Variants in FBXO25 observed in about 807,000 individuals in gnomAD.
FBXO25 encodes the protein F-box protein 25.
In FBXO25, 45 loss-of-function variants were observed where a neutral mutation model predicts 51.9. The observed-to-expected ratio is 0.87, with a 90% CI of 0.68 to 1.11. The LOEUF (loss-of-function observed/expected upper bound fraction) is 1.11, where lower values mean the gene tolerates loss of function less well. Ranked by LOEUF, FBXO25 falls within the 50% of genes most tolerant of loss-of-function variation. The pLI is 0.00. For synonymous variants in FBXO25, 199 were observed against 151.0 expected (o/e 1.32, Z -2.33); for missense variants, 507 against 428.5 (o/e 1.18, Z -1.62).
intron 5 of FBXO25, among the ~76,000 whole-genome samples, chr8:441,866 C>G (rs1420969896): frequency 6.6e-6 from 1 of 152,158 alleles, no homozygotes; most frequent in Non-Finnish European, 1.5e-5. Context: ...ACAACAGATG[C>G]TGGAGAGGAC....
chr8:451,291 T>A lies in FBXO25; in HGVS notation c.498T>A (p.Pro166=), dbSNP rs1343919380. ...CAGTTCTTGATGACCACCACAATCCTCGCTTAATCAAAGATCTTCTGCAAG... is the reference window on the plus strand; with the variant it reads ...CAGTTCTTGATGACCACCACAATCCACGCTTAATCAAAGATCTTCTGCAAG... The part of the protein sequence containing the change: ...VQKVLDDHHN[P]RLIKDLLQDL... The change falls in exon 7 of 10, where the codon CCT becomes CCA. Residue 166 remains proline (P), a synonymous_variant. Transcript: ENST00000350302. The A allele has an allele frequency of 1.2e-6, 2 of 1,609,640 alleles. No individual in the cohort carries two copies. The highest frequency in any genetic ancestry group is 1.7e-5 in the Admixed American group (1 of 58,504).
At chr8:415,684 G>C (rs560892698) in intron 2 of FBXO25, among the ~76,000 whole-genome samples, 1 of 152,306 alleles carries the variant, frequency 6.6e-6, no homozygotes, top group East Asian at 1.9e-4. Flanking sequence ...GGGTGGCCCT[G>C]AGAAGGACTC....
chr8:422,787 A>T (rs1454867508), intron 2 of FBXO25, among the ~76,000 whole-genome samples: 1 of 152,140 alleles, frequency 6.6e-6, no homozygotes. Flanking sequence ...ATGGTGGCTT[A>T]CCTCTTAGTT....
chr8:421,829 G>A (rs1797174886), intron 2 of FBXO25, among the ~76,000 whole-genome samples: 1 of 152,150 alleles, frequency 6.6e-6, no homozygotes, highest in South Asian at 2.1e-4. Context: ...GATATCAGAA[G>A]GGTAGATGTC....
At chr8:409,890 C>T (rs1796386626) in intron 1 of FBXO25, among the ~76,000 whole-genome samples, 1 of 152,188 alleles carries the variant, frequency 6.6e-6, no homozygotes, top group African/African-American at 2.4e-5. Context: ...TGATATTCTT[C>T]TATGACCTGG....
At chr8:468,660 C>T in intron 9 of FBXO25, 55 bp from the exon 10 acceptor site, 1 of 1,397,804 alleles carries the variant, frequency 7.2e-7, no homozygotes, top group Admixed American at 1.7e-5. Context: ...AGCACCATCA[C>T]TAGAGTGTGG....
chr8:433,624 G>T (rs997977664), intron 4 of FBXO25, among the ~76,000 whole-genome samples: 1 of 152,272 alleles, frequency 6.6e-6, no homozygotes, highest in African/African-American at 2.4e-5. Flanking sequence ...GCTGTTTCCT[G>T]TTTCTTTACT....
chr8:437,548 C>A (rs559684602), intron 5 of FBXO25, among the ~76,000 whole-genome samples: 31 of 152,208 alleles, frequency 2.0e-4, no homozygotes, highest in Non-Finnish European at 4.3e-4. Context: ...AGCAAAGTTA[C>A]CTCTAAAAAG....
chr8:425,838 T>C (rs543059904), intron 2 of FBXO25, among the ~76,000 whole-genome samples: 1 of 152,172 alleles, frequency 6.6e-6, no homozygotes, highest in East Asian at 1.9e-4. Context: ...GGAACCACCT[T>C]GTTCTATTTT....
Position 423,908 on chromosome 8 carries a change from C to T in FBXO25, c.135-7433C>T, listed in dbSNP as rs188851774. On this transcript the variant is annotated intron_variant, in intron 2 of 9. Coordinates refer to ENST00000350302, the MANE Select transcript of FBXO25 (RefSeq NM_183420.2). ...TGGCTGGACTGATTTACATTCCCGTCAACAGTGTATAAGCATTCTGTTTTC... is the reference window on the plus strand; with the variant it reads ...TGGCTGGACTGATTTACATTCCCGTTAACAGTGTATAAGCATTCTGTTTTC... Among the ~76,000 whole-genome samples, 7 of 152,292 alleles carry T rather than the reference C, an allele frequency of 4.6e-5. No individual in the cohort carries two copies. In the East Asian group the frequency reaches 1.3e-3, roughly 29 times the overall value.
chr8:418,333 CTTTTTTTTTTTTT>C (rs1207244013), intron 2 of FBXO25, among the ~76,000 whole-genome samples: 3 of 72,336 alleles, frequency 4.1e-5, no homozygotes, highest in Non-Finnish European at 7.5e-5. Flanking sequence ...TTTGTTTGTT[CTTTTTTTTTTTTT>C]TTTTTTTTTT....
At chr8:464,425 G>A (rs923579211) in intron 9 of FBXO25, among the ~76,000 whole-genome samples, 1 of 152,210 alleles carries the variant, frequency 6.6e-6, no homozygotes, top group Non-Finnish European at 1.5e-5. Flanking sequence ...GCTGCTGGCT[G>A]CTCTGCGGAG....
At position 477,694 on chromosome 8, in the gene FBXO25, G is replaced by T. The variant is rs1050708736; in HGVS notation, c.*8890G>T. The T allele has an allele frequency of 6.7e-6, 1 of 150,052 alleles. No individual in the cohort carries two copies. The highest frequency in any genetic ancestry group is 1.5e-5 in the Non-Finnish European group (1 of 68,062). The allele number at this position is 150,052 out of a possible 1,614,324, so 9.3% of individuals were successfully genotyped here. On this transcript the variant is annotated 3_prime_UTR_variant, in exon 10 of 10. Coordinates refer to ENST00000350302, the MANE Select transcript of FBXO25 (RefSeq NM_183420.2). Reference sequence around the variant, plus strand: ...GCTCTCTTGCCACTTGGCAGTAGTGGCATGAAGCCGCCACCAGGGGGCCAC... The same window carrying T: ...GCTCTCTTGCCACTTGGCAGTAGTGTCATGAAGCCGCCACCAGGGGGCCAC...
At chr8:453,652 G>A (rs1400987008) in intron 7 of FBXO25, among the ~76,000 whole-genome samples, 1 of 152,084 alleles carries the variant, frequency 6.6e-6, no homozygotes, top group Non-Finnish European at 1.5e-5. Context: ...GAATTTTGAG[G>A]TGACTCAAGC....
intron 2 of FBXO25, among the ~76,000 whole-genome samples, chr8:417,419 G>A (rs985487943): frequency 2.6e-5 from 4 of 152,232 alleles, no homozygotes; most frequent in African/African-American, 9.6e-5. Flanking sequence ...CGGTGGATGA[G>A]GAAGGGCTCA....
Position 413,117 on chromosome 8 carries a change from G to C in FBXO25, c.38G>C (p.Trp13Ser), listed in dbSNP as rs1263996752. ...FLGQDWRSPG[W>S]SWIKTEDGWK... ...GGTCAGGACTGGAGATCTCCTGGAT[G>C]GAGTTGGATTAAGACAGAAGATGGC... The change falls in exon 2 of 10, where the codon TGG (tryptophan) becomes TCG (serine). Residue 13 changes from tryptophan (W) to serine (S), a missense_variant. Coordinates refer to ENST00000350302, the MANE Select transcript of FBXO25 (RefSeq NM_183420.2). The C allele has an allele frequency of 6.2e-7, 1 of 1,605,202 alleles. No homozygotes were observed. Among genetic ancestry groups the C allele is most frequent in the Admixed American group, 1.7e-5 (1 of 58,694 alleles).
intron 4 of FBXO25, among the ~76,000 whole-genome samples, chr8:433,374 T>C (rs1797927846): frequency 6.6e-6 from 1 of 152,182 alleles, no homozygotes; most frequent in South Asian, 2.1e-4. Flanking sequence ...CCTGCAGTCA[T>C]ACGCATTTTC....
At chr8:467,670 T>A (rs1309679733) in intron 9 of FBXO25, 1 of 1,599,098 alleles carries the variant, frequency 6.3e-7, no homozygotes, top group African/African-American at 1.3e-5. Context: ...TTCCTTTTTT[T>A]CCCTCCCTTC....
At chr8:447,540 A>G (rs1343206009) in intron 5 of FBXO25, among the ~76,000 whole-genome samples, 1 of 152,236 alleles carries the variant, frequency 6.6e-6, no homozygotes. Context: ...GCGACAAAAC[A>G]GAAAAGAGAT....
Sources: allele counts gnomAD v4.1 joint callset (sites outside exome capture counted in the v4.1 genomes callset), GRCh38; gene constraint gnomAD v4.1.1; transcripts MANE v1.5; gene names NCBI Gene and HGNC (gene_info 2026-07-23, HGNC 2026-07-21).